WWTR1: variants seen among roughly 807,000 people sequenced by gnomAD.
The protein encoded by WWTR1 is WW domain-containing transcription regulator protein 1.
Under a neutral mutation model 40.1 loss-of-function variants are expected in WWTR1, and 13 were observed. That is an observed-to-expected ratio of 0.32 (90% CI 0.21 to 0.52). The LOEUF (loss-of-function observed/expected upper bound fraction) is 0.52. WWTR1 is among the 20% of genes least tolerant of loss of function. The probability of loss-of-function intolerance (pLI) is 0.97; values close to 1 mark genes in which losing one functional copy is unlikely to be tolerated. For synonymous variants in WWTR1, 230 were observed against 210.1 expected (o/e 1.09, Z -0.82); for missense variants, 436 against 523.1 (o/e 0.83, Z 1.63).
At chr3:149,674,056 C>CAAAAAAAAAAAAAAAA (rs71138404) in intron 1 of WWTR1, among the ~76,000 whole-genome samples, 41 of 121,812 alleles carry the variant, frequency 3.4e-4, no homozygotes, top group African/African-American at 1.1e-3. Flanking sequence ...CTCGTCTCTA[C>CAAAAAAAAAAAAAAAA]AAAAAAAAAA....
At chr3:149,651,513 GA>G (rs1450576752) in intron 2 of WWTR1, among the ~76,000 whole-genome samples, 1 of 152,066 alleles carries the variant, frequency 6.6e-6, no homozygotes, top group Non-Finnish European at 1.5e-5. Flanking sequence ...TGAGAGCCTA[GA>G]AAACTTTTGA....
At chr3:149,674,301 T>C (rs13095101) in intron 1 of WWTR1, among the ~76,000 whole-genome samples, 30,189 of 150,970 alleles carry the variant, frequency 0.2, 3,249 homozygotes, top group Admixed American at 0.3. Context: ...CACGTAAAAA[T>C]TGTAGGCCCA....
intron 2 of WWTR1, among the ~76,000 whole-genome samples, chr3:149,663,566 C>T (rs1050203072): frequency 6.6e-6 from 1 of 151,984 alleles, no homozygotes; most frequent in Non-Finnish European, 1.5e-5. Context: ...CGTGGTGGCG[C>T]GTGCCTGTAA....
chr3:149,557,845 A>T (rs7610505), intron 3 of WWTR1, among the ~76,000 whole-genome samples: 7,500 of 151,826 alleles, frequency 0.049, 448 homozygotes, highest in East Asian at 0.15. Flanking sequence ...TCTACTAAAA[A>T]TACAAAAATT....
chr3:149,642,807 A>G (rs1014466557), intron 2 of WWTR1, among the ~76,000 whole-genome samples: 2 of 151,998 alleles, frequency 1.3e-5, no homozygotes, highest in Non-Finnish European at 2.9e-5. Context: ...CTTATTTGCC[A>G]AAAGTTGCAT....
At chr3:149,618,200 C>T (rs182955315) in intron 2 of WWTR1, among the ~76,000 whole-genome samples, 26 of 152,066 alleles carry the variant, frequency 1.7e-4, no homozygotes, top group Middle Eastern at 3.4e-3. Flanking sequence ...GAGAATAAGA[C>T]ATTCGAAGGA....
intron 2 of WWTR1, among the ~76,000 whole-genome samples, chr3:149,624,619 C>G (rs756209011): frequency 6.6e-5 from 10 of 152,234 alleles, no homozygotes; most frequent in Non-Finnish European, 1.5e-4. Flanking sequence ...CTGCATCCTT[C>G]TAAAATAACA....
rs546908480 is a variant in WWTR1 at position 149,588,938 on chromosome 3, G to A, written c.432-15938C>T. 3.3e-5 allele frequency among the ~76,000 whole-genome samples: 5 copies of A among 152,318 alleles called. No homozygotes were observed. In the South Asian group the frequency reaches 1.0e-3, roughly 32 times the overall value. ...GCCTAAAGGTGCTCTGAACTAGAGA[G>A]AGGCACAAAAGGGGGAAAAATGCAA... On this transcript the variant is annotated intron_variant, in intron 2 of 6. Coordinates refer to ENST00000360632, the MANE Select transcript of WWTR1 (RefSeq NM_015472.6).
intron 3 of WWTR1, among the ~76,000 whole-genome samples, chr3:149,566,268 C>T (rs938966510): frequency 6.6e-6 from 1 of 152,096 alleles, no homozygotes; most frequent in Admixed American, 6.5e-5. Context: ...TTCCCCCTGT[C>T]CTGTGCCCAC....
chr3:149,578,679 C>T (rs1314675342), intron 2 of WWTR1, among the ~76,000 whole-genome samples: 1 of 152,080 alleles, frequency 6.6e-6, no homozygotes, highest in Non-Finnish European at 1.5e-5. Context: ...GGGTGGATCA[C>T]CTGAGGTCGG....
At chr3:149,553,178 G>A (rs952889170) in intron 3 of WWTR1, among the ~76,000 whole-genome samples, 1 of 152,146 alleles carries the variant, frequency 6.6e-6, no homozygotes, top group Admixed American at 6.5e-5. Flanking sequence ...TCAGGAACAG[G>A]CTGCGACAAA....
intron 2 of WWTR1, among the ~76,000 whole-genome samples, chr3:149,618,817 A>G (rs1740127435): frequency 6.6e-6 from 1 of 152,160 alleles, no homozygotes; most frequent in Non-Finnish European, 1.5e-5. Flanking sequence ...GGAAGCTCCA[A>G]CTGAGAGGGC....
chr3:149,560,965 C>A (rs202182358), intron 3 of WWTR1, among the ~76,000 whole-genome samples: 5 of 149,692 alleles, frequency 3.3e-5, no homozygotes, highest in Non-Finnish European at 5.9e-5. Flanking sequence ...CACCCCCCCC[C>A]GCAAAAAATC....
Position 149,709,643 on chromosome 3 carries a change from G to A in WWTR1, n.585-6315C>T, listed in dbSNP as rs1432627372. ...GACTCGGCCAGGAGCGGTGGCTCAC[G>A]ACCGTAATCCCAGCATTTTGGGAGG... On this transcript the variant is annotated intron_variant and non_coding_transcript_variant, in intron 5 of 6. Transcript: ENST00000474080. Among the ~76,000 whole-genome samples the A allele has an allele frequency of 3.9e-5, 6 of 152,048 alleles. No individual in the cohort carries two copies. In the South Asian group the frequency reaches 1.0e-3, roughly 26 times the overall value.
intron 2 of WWTR1, among the ~76,000 whole-genome samples, chr3:149,594,950 CTTTTTTTTTTTTTTT>C (rs563658190): frequency 4.9e-5 from 3 of 61,772 alleles, no homozygotes; most frequent in Non-Finnish European, 1.0e-4. Flanking sequence ...CTCTTTTTTA[CTTTTTTTTTTTTTTT>C]TTTTTTTTTT....
chr3:149,581,770 G>A (rs1023784874), intron 2 of WWTR1, among the ~76,000 whole-genome samples: 1 of 152,240 alleles, frequency 6.6e-6, no homozygotes, highest in Admixed American at 6.5e-5. Flanking sequence ...GCAGCAGTAG[G>A]CACAGCAGCC....
At chr3:149,695,426 T>C (rs1395748261) in intron 1 of WWTR1, among the ~76,000 whole-genome samples, 1 of 152,124 alleles carries the variant, frequency 6.6e-6, no homozygotes, top group African/African-American at 2.4e-5. Flanking sequence ...ACTTCATAAA[T>C]ATATGTACCT....
intron 2 of WWTR1, among the ~76,000 whole-genome samples, chr3:149,596,183 ATTACAG>A (rs2108040785): frequency 6.6e-6 from 1 of 152,346 alleles, no homozygotes; most frequent in East Asian, 1.9e-4. Context: ...TATAACAAAA[ATTACAG>A]TAAAGGACAG....
chr3:149,639,060 A>G (rs1712005229), intron 2 of WWTR1, among the ~76,000 whole-genome samples: 1 of 152,204 alleles, frequency 6.6e-6, no homozygotes, highest in Non-Finnish European at 1.5e-5. Flanking sequence ...CCACTTAAAG[A>G]CACATGGTTA....
Sources: gnomAD v4.1 joint callset for allele counts (sites outside exome capture counted in the v4.1 genomes callset) on GRCh38, gnomAD v4.1.1 for gene constraint, MANE v1.5 for transcripts, NCBI Gene and HGNC (gene_info 2026-07-23, HGNC 2026-07-21) for gene names.